The following SUCLG2 variants were observed in gnomAD, a reference collection of about 807,000 sequenced individuals.
SUCLG2 encodes succinate--CoA ligase [GDP-forming] subunit beta, mitochondrial.
Under a neutral mutation model 47.9 loss-of-function variants are expected in SUCLG2, and 42 were observed. The observed-to-expected ratio is 0.88, with a 90% CI of 0.69 to 1.14. SUCLG2 has a LOEUF of 1.14. SUCLG2 is among the 50% of genes most tolerant of loss of function. The pLI, the probability that SUCLG2 is intolerant of heterozygous loss-of-function variation, is 0.00. For synonymous variants in SUCLG2, 195 were observed against 197.3 expected, an observed-to-expected ratio of 0.99 and a Z score of 0.10; for missense variants, 571 against 525.9, an observed-to-expected ratio of 1.09 and a Z score of -0.84.
At chr3:67,535,511 C>A (rs1230872938) in intron 2 of SUCLG2, among the ~76,000 whole-genome samples, 1 of 151,992 alleles carries the variant, frequency 6.6e-6, no homozygotes, top group African/African-American at 2.4e-5. Flanking sequence ...GGAGGACAGG[C>A]CTAATGGGAG....
chr3:67,494,018 T>C (rs1290430540), intron 9 of SUCLG2, among the ~76,000 whole-genome samples: 1 of 152,204 alleles, frequency 6.6e-6, no homozygotes, highest in Non-Finnish European at 1.5e-5. Flanking sequence ...TAATAATACC[T>C]TGCCGTCTGT....
intron 10 of SUCLG2, among the ~76,000 whole-genome samples, chr3:67,382,579 T>C (rs1245713779): frequency 6.6e-6 from 1 of 152,140 alleles, no homozygotes; most frequent in Non-Finnish European, 1.5e-5. Flanking sequence ...AAGAATAGGG[T>C]TTACATTTTC....
intron 9 of SUCLG2, among the ~76,000 whole-genome samples, chr3:67,449,746 TGGGACTA>T (rs1704009438): frequency 6.6e-6 from 1 of 151,932 alleles, no homozygotes; most frequent in Non-Finnish European, 1.5e-5. Flanking sequence ...CCTGAGTAGC[TGGGACTA>T]CAGGTGTGTG....
intron 9 of SUCLG2, among the ~76,000 whole-genome samples, chr3:67,479,243 A>G (rs2107010633): frequency 6.6e-6 from 1 of 152,260 alleles, no homozygotes; most frequent in South Asian, 2.1e-4. Context: ...TGATTCTCTG[A>G]CCACAGAGTA....
At chr3:67,376,597 C>T in intron 10 of SUCLG2, 1 of 756,672 alleles carries the variant, frequency 1.3e-6, no homozygotes, top group Non-Finnish European at 1.6e-6. Context: ...CAAGACAGAG[C>T]CTATTTATAA....
intron 9 of SUCLG2, among the ~76,000 whole-genome samples, chr3:67,439,072 G>A (rs941898503): frequency 5.9e-5 from 9 of 152,268 alleles, no homozygotes; most frequent in Non-Finnish European, 1.2e-4. Context: ...GGGATGCAAG[G>A]CTGGTTCAAC....
chr3:67,490,075 T>C (rs150797845), intron 9 of SUCLG2, among the ~76,000 whole-genome samples: 74 of 152,326 alleles, frequency 4.9e-4, no homozygotes, highest in African/African-American at 1.7e-3. Flanking sequence ...ATTCTTTTGA[T>C]GGAGCCCTGG....
At chr3:67,585,966 C>CAA (rs67546250) in intron 2 of SUCLG2, among the ~76,000 whole-genome samples, 1,796 of 59,282 alleles carry the variant, frequency 0.03, 83 homozygotes, top group East Asian at 0.045. Flanking sequence ...GACTCCATTT[C>CAA]AAAAAAAAAA....
chr3:67,401,178 T>C (rs1250111530), intron 9 of SUCLG2, among the ~76,000 whole-genome samples: 1 of 152,214 alleles, frequency 6.6e-6, no homozygotes, highest in Non-Finnish European at 1.5e-5. Context: ...TTATGAGTAG[T>C]ATCATTTAAA....
intron 2 of SUCLG2, among the ~76,000 whole-genome samples, chr3:67,537,211 C>T (rs1706568693): frequency 6.6e-6 from 1 of 152,012 alleles, no homozygotes; most frequent in African/African-American, 2.4e-5. Context: ...CCCTCTCAGA[C>T]CCTCCCCTAC....
At chr3:67,481,588 G>T (rs1178188162) in intron 9 of SUCLG2, among the ~76,000 whole-genome samples, 2 of 152,206 alleles carry the variant, frequency 1.3e-5, no homozygotes, top group Non-Finnish European at 2.9e-5. Flanking sequence ...AACACTGACA[G>T]TCCATGGCTG....
chr3:67,611,347 G>A (rs1286362072), intron 1 of SUCLG2, among the ~76,000 whole-genome samples: 5 of 152,086 alleles, frequency 3.3e-5, no homozygotes, highest in East Asian at 1.9e-4. Context: ...ATCATTTACC[G>A]TATATTATTT....
chr3:67,627,805 C>A (rs1045645608), intron 1 of SUCLG2, among the ~76,000 whole-genome samples: 2 of 152,180 alleles, frequency 1.3e-5, no homozygotes, highest in Admixed American at 1.3e-4. Context: ...CACTCCCTGA[C>A]CAGCCTTGGA....
At chr3:67,534,768 CAAAAAAAAAAAAAAAAA>C (rs60612549) in intron 2 of SUCLG2, among the ~76,000 whole-genome samples, 28 of 34,952 alleles carry the variant, frequency 8.0e-4, no homozygotes, top group Admixed American at 5.1e-3. Flanking sequence ...ACACTGATGG[CAAAAAAAAAAAAAAAAA>C]AAAAAAAAAA....
chr3:67,502,477 G>A (rs1309348520), intron 7 of SUCLG2, among the ~76,000 whole-genome samples: 3 of 152,096 alleles, frequency 2.0e-5, no homozygotes, highest in Admixed American at 6.6e-5. Context: ...TCTTAAACCC[G>A]AGCCTTGTCT....
chr3:67,574,405 G>A (rs1707691818), intron 2 of SUCLG2, among the ~76,000 whole-genome samples: 1 of 152,174 alleles, frequency 6.6e-6, no homozygotes, highest in Non-Finnish European at 1.5e-5. Flanking sequence ...AGAATCGAGA[G>A]GCCAGAAATA....
chr3:67,364,128 T>G (rs1393453734), intron 10 of SUCLG2, among the ~76,000 whole-genome samples: 1 of 152,170 alleles, frequency 6.6e-6, no homozygotes, highest in East Asian at 1.9e-4. Context: ...AGAAGCAACC[T>G]GTGACCCCAG....
At chr3:67,612,147 C>A (rs921213424) in intron 1 of SUCLG2, among the ~76,000 whole-genome samples, 1 of 152,052 alleles carries the variant, frequency 6.6e-6, no homozygotes, top group Non-Finnish European at 1.5e-5. Context: ...TTGCTTGAGC[C>A]CAGTAGTTCA....
intron 1 of SUCLG2, among the ~76,000 whole-genome samples, chr3:67,625,004 T>C (rs566324694): frequency 2.6e-5 from 4 of 152,304 alleles, no homozygotes; most frequent in Admixed American, 2.6e-4. Flanking sequence ...ATCCTAAACA[T>C]ACTATACCCT....
Sources: gnomAD v4.1 joint callset for allele counts (sites outside exome capture counted in the v4.1 genomes callset) on GRCh38, gnomAD v4.1.1 for gene constraint, MANE v1.5 for transcripts, NCBI Gene and HGNC (gene_info 2026-07-23, HGNC 2026-07-21) for gene names.